Variants in PLCB4 observed in about 807,000 individuals in gnomAD.
PLCB4 encodes 1-phosphatidylinositol 4,5-bisphosphate phosphodiesterase beta-4.
PLCB4 carries 77 observed loss-of-function variants against 178.8 expected under a neutral mutation model. The ratio of observed to expected loss-of-function variants is 0.43; its 90% confidence interval spans 0.36 to 0.52. The LOEUF (loss-of-function observed/expected upper bound fraction) is 0.52. Ranked by LOEUF, PLCB4 falls within the 20% of genes least tolerant of loss-of-function variation. The probability of loss-of-function intolerance (pLI) is 0.00; values close to 1 mark genes in which losing one functional copy is unlikely to be tolerated. For synonymous variants in PLCB4, 496 were observed against 490.8 expected (o/e 1.01, Z -0.14); for missense variants, 1,024 against 1,453.4 (o/e 0.70, Z 4.80).
intron 7 of PLCB4, among the ~76,000 whole-genome samples, chr20:9,348,921 C>T (rs1020115540): frequency 6.6e-6 from 1 of 152,090 alleles, no homozygotes; most frequent in African/African-American, 2.4e-5. Flanking sequence ...ACCATGTTGA[C>T]AAGGTCATTT....
chr20:9,120,269 G>A (rs1436797675), intron 2 of PLCB4, among the ~76,000 whole-genome samples: 2 of 152,098 alleles, frequency 1.3e-5, no homozygotes, highest in Non-Finnish European at 2.9e-5. Flanking sequence ...GAGGGATTGG[G>A]AACAGTTCAA....
chr20:9,156,487 C>A (rs1056469266), intron 2 of PLCB4, among the ~76,000 whole-genome samples: 14 of 152,218 alleles, frequency 9.2e-5, no homozygotes, highest in African/African-American at 3.4e-4. Flanking sequence ...CACTGCAGAC[C>A]TGTTTCATAT....
At chr20:9,075,599 C>T (rs1568701268) in intron 1 of PLCB4, among the ~76,000 whole-genome samples, 1 of 152,234 alleles carries the variant, frequency 6.6e-6, no homozygotes, top group Non-Finnish European at 1.5e-5. Flanking sequence ...AAGTGAAAGG[C>T]CCAAGTGTGG....
chr20:9,216,327 C>G (rs2147267361), intron 2 of PLCB4, among the ~76,000 whole-genome samples: 1 of 152,162 alleles, frequency 6.6e-6, no homozygotes, highest in African/African-American at 2.4e-5. Context: ...ACGCCATTTT[C>G]CTGCCTCAGC....
intron 20 of PLCB4, among the ~76,000 whole-genome samples, chr20:9,404,523 T>C (rs1179777771): frequency 6.6e-6 from 1 of 150,682 alleles, no homozygotes; most frequent in African/African-American, 2.5e-5. Flanking sequence ...GAGAACTGCT[T>C]GAACCCAAAA....
At chr20:9,169,585 T>TAGTA (rs1555855065) in intron 2 of PLCB4, among the ~76,000 whole-genome samples, 51 of 144,496 alleles carry the variant, frequency 3.5e-4, no homozygotes, top group African/African-American at 1.2e-3. Flanking sequence ...CAAGACTGTC[T>TAGTA]AATAAATAAA....
chr20:9,305,825 T>C (rs988746130), intron 3 of PLCB4, among the ~76,000 whole-genome samples: 7 of 152,202 alleles, frequency 4.6e-5, no homozygotes, highest in Non-Finnish European at 1.0e-4. Context: ...TTACTGCATT[T>C]AGTGTTGTGG....
intron 3 of PLCB4, among the ~76,000 whole-genome samples, chr20:9,293,849 G>A (rs1008989026): frequency 1.3e-5 from 2 of 152,056 alleles, no homozygotes; most frequent in Non-Finnish European, 2.9e-5. Context: ...ATAATAACCA[G>A]TAAGTTTAGG....
chr20:9,336,481 C>T (rs1002683623), intron 4 of PLCB4, among the ~76,000 whole-genome samples: 17 of 152,038 alleles, frequency 1.1e-4, no homozygotes, highest in Non-Finnish European at 2.2e-4. Flanking sequence ...CGTGTGTGTT[C>T]GAATCTTCTA....
At chr20:9,438,338 C>T (rs1290902371) in intron 30 of PLCB4, among the ~76,000 whole-genome samples, 1 of 148,236 alleles carries the variant, frequency 6.7e-6, no homozygotes, top group Non-Finnish European at 1.5e-5. Flanking sequence ...TGCAGTCCGG[C>T]CTGGGTGAAA....
intron 7 of PLCB4, among the ~76,000 whole-genome samples, chr20:9,357,163 C>G (rs181020702): frequency 6.6e-6 from 1 of 152,112 alleles, no homozygotes; most frequent in Non-Finnish European, 1.5e-5. Context: ...ATTAATTGAT[C>G]TAGATTTGTG....
chr20:9,093,132 C>T (rs2090756654), intron 1 of PLCB4, among the ~76,000 whole-genome samples: 1 of 152,134 alleles, frequency 6.6e-6, no homozygotes, highest in Non-Finnish European at 1.5e-5. Flanking sequence ...TTAGGATATA[C>T]CATTGCAAAT....
chr20:9,194,363 T>C (rs2093442321), intron 2 of PLCB4, among the ~76,000 whole-genome samples: 1 of 152,178 alleles, frequency 6.6e-6, no homozygotes, highest in African/African-American at 2.4e-5. Context: ...TTTTTTTTCC[T>C]GTAAAACATA....
intron 1 of PLCB4, among the ~76,000 whole-genome samples, chr20:9,074,691 A>G (rs1482481489): frequency 1.3e-5 from 2 of 152,094 alleles, no homozygotes; most frequent in East Asian, 3.8e-4. Context: ...ACCTAATATT[A>G]ACTCAGTCCT....
chr20:9,311,313 C>T (rs1380061900), intron 4 of PLCB4, among the ~76,000 whole-genome samples: 1 of 152,184 alleles, frequency 6.6e-6, no homozygotes, highest in Non-Finnish European at 1.5e-5. Flanking sequence ...CTTCCCTAAA[C>T]CCACTTTAAC....
intron 1 of PLCB4, among the ~76,000 whole-genome samples, chr20:9,086,897 C>A (rs2090452945): frequency 6.6e-6 from 1 of 152,158 alleles, no homozygotes; most frequent in Admixed American, 6.6e-5. Context: ...AGAACTATTT[C>A]TTTTATATTT....
chr20:9,107,762 T>C (rs1224816129), intron 2 of PLCB4, among the ~76,000 whole-genome samples: 1 of 152,120 alleles, frequency 6.6e-6, no homozygotes, highest in East Asian at 1.9e-4. Flanking sequence ...GGGATGTTAC[T>C]TTTGAGAAGA....
At chr20:9,421,191 T>C (rs1186425194) in intron 26 of PLCB4, 106 bp from the exon 27 acceptor site, 3 of 819,908 alleles carry the variant, frequency 3.7e-6, no homozygotes, top group African/African-American at 3.4e-5. Context: ...ATAATTGAAA[T>C]TCCTGCTCCC....
At chr20:9,221,449 C>T (rs367872620) in intron 3 of PLCB4, among the ~76,000 whole-genome samples, 17 of 152,340 alleles carry the variant, frequency 1.1e-4, no homozygotes, top group African/African-American at 3.8e-4. Flanking sequence ...AAAGGGCACA[C>T]AAGACGATTA....
Sources: gnomAD v4.1 joint callset for allele counts (sites outside exome capture counted in the v4.1 genomes callset) on GRCh38, gnomAD v4.1.1 for gene constraint, MANE v1.5 for transcripts, NCBI Gene and HGNC (gene_info 2026-07-23, HGNC 2026-07-21) for gene names.